The following FHOD3 variants were observed in gnomAD, a reference collection of about 807,000 sequenced individuals.
The protein encoded by FHOD3 is FH1/FH2 domain-containing protein 3.
Under a neutral mutation model 173.0 loss-of-function variants are expected in FHOD3, and 90 were observed. That is an observed-to-expected ratio of 0.52 (90% CI 0.44 to 0.62). FHOD3 has a LOEUF of 0.62. FHOD3 is among the 20% of genes least tolerant of loss of function. The probability of loss-of-function intolerance (pLI) is 0.00; values close to 1 mark genes in which losing one functional copy is unlikely to be tolerated. For synonymous variants in FHOD3, 828 were observed against 823.0 expected, an observed-to-expected ratio of 1.01 and a Z score of -0.10; for missense variants, 1,945 against 2,034.7, an observed-to-expected ratio of 0.96 and a Z score of 0.85.
intron 3 of FHOD3, among the ~76,000 whole-genome samples, chr18:36,411,459 A>C (rs2049346482): frequency 1.3e-5 from 2 of 152,250 alleles, no homozygotes; most frequent in Admixed American, 6.5e-5. Context: ...ACTAACATTC[A>C]TAAAAGGATA....
intron 17 of FHOD3, among the ~76,000 whole-genome samples, chr18:36,696,238 C>T (rs1482327962): frequency 6.6e-6 from 1 of 152,202 alleles, no homozygotes; most frequent in African/African-American, 2.4e-5. Flanking sequence ...GTCATGGAGT[C>T]ATGGCTCTAC....
At chr18:36,322,281 G>A (rs535058082) in intron 1 of FHOD3, among the ~76,000 whole-genome samples, 17 of 152,296 alleles carry the variant, frequency 1.1e-4, no homozygotes, top group African/African-American at 4.1e-4. Context: ...CTGGAGGTGG[G>A]CCTTTTGGCC....
intron 7 of FHOD3, among the ~76,000 whole-genome samples, chr18:36,598,375 T>C (rs1229093627): frequency 6.6e-6 from 1 of 152,126 alleles, no homozygotes; most frequent in East Asian, 1.9e-4. Flanking sequence ...ATTCCTTTGG[T>C]TGCATTATAA....
chr18:36,412,068 TA>T, intron 3 of FHOD3, among the ~76,000 whole-genome samples: 1 of 152,306 alleles, frequency 6.6e-6, no homozygotes, highest in Middle Eastern at 3.4e-3. Context: ...CTTGCCTAAT[TA>T]TAACCAGAAC....
At chr18:36,499,753 G>A (rs113307224) in intron 3 of FHOD3, among the ~76,000 whole-genome samples, 3 of 152,174 alleles carry the variant, frequency 2.0e-5, no homozygotes, top group South Asian at 2.1e-4. Context: ...TTGTTTCTTC[G>A]GGTCAGAGAT....
intron 1 of FHOD3, among the ~76,000 whole-genome samples, chr18:36,335,813 G>A (rs2045279775): frequency 1.3e-5 from 2 of 152,134 alleles, no homozygotes; most frequent in African/African-American, 4.8e-5. Flanking sequence ...ACGTGCCTCT[G>A]TTGCTAGACA....
intron 6 of FHOD3, among the ~76,000 whole-genome samples, chr18:36,591,400 C>T (rs977824855): frequency 3.3e-5 from 5 of 151,982 alleles, no homozygotes; most frequent in South Asian, 2.1e-4. Flanking sequence ...GGGGCTACTA[C>T]GAGGTGAGAA....
In FHOD3 at chr18:36,567,461, G is replaced by A. The variant is rs77325347; in HGVS notation, c.512-8990G>A. Among the ~76,000 whole-genome samples the A allele has an allele frequency of 5.5e-3, 831 of 152,252 alleles. 24 individuals carry two copies. In the East Asian group the frequency reaches 0.069, roughly 13 times the overall value. On this transcript the variant is annotated intron_variant, in intron 5 of 28. Coordinates refer to ENST00000590592, the MANE Select transcript of FHOD3 (RefSeq NM_001281740.3). ...TAAAAACAGAGCAAGGAGGAGTTTT[G>A]GTTTGGAGTAAGATGGAGTAAGTAC... is the stretch of plus-strand genomic sequence containing the variant.
intron 3 of FHOD3, among the ~76,000 whole-genome samples, chr18:36,440,713 C>T (rs888521972): frequency 6.6e-6 from 1 of 152,224 alleles, no homozygotes; most frequent in South Asian, 2.1e-4. Context: ...AAACCCAATA[C>T]ATAATAAACT....
intron 3 of FHOD3, among the ~76,000 whole-genome samples, chr18:36,445,993 C>G (rs2051448696): frequency 6.6e-6 from 1 of 152,212 alleles, no homozygotes; most frequent in South Asian, 2.1e-4. Context: ...TAGGGCTTCC[C>G]TCCAGGTCTC....
intron 3 of FHOD3, among the ~76,000 whole-genome samples, chr18:36,457,062 G>T (rs2052262139): frequency 6.6e-6 from 1 of 152,052 alleles, no homozygotes; most frequent in Non-Finnish European, 1.5e-5. Flanking sequence ...GGTTCCAGCA[G>T]GTGGGAAGGT....
At chr18:36,363,776 GTGAA>G (rs1012726824) in intron 2 of FHOD3, among the ~76,000 whole-genome samples, 82 of 151,598 alleles carry the variant, frequency 5.4e-4, no homozygotes, top group African/African-American at 1.8e-3. Flanking sequence ...GTTCAACACA[GTGAA>G]TTATAAAGTA....
At chr18:36,752,286 C>T (rs2042435134) in intron 24 of FHOD3, among the ~76,000 whole-genome samples, 2 of 152,084 alleles carry the variant, frequency 1.3e-5, no homozygotes, top group East Asian at 1.9e-4. Flanking sequence ...TCCTGGGAGG[C>T]CTAGCAAACT....
At chr18:36,323,766 C>G (rs551410653) in intron 1 of FHOD3, among the ~76,000 whole-genome samples, 18 of 152,352 alleles carry the variant, frequency 1.2e-4, no homozygotes, top group African/African-American at 4.1e-4. Context: ...CAAGACCATC[C>G]TCGACTACTT....
chr18:36,539,388 T>C (rs375658611), intron 5 of FHOD3, among the ~76,000 whole-genome samples: 1 of 152,358 alleles, frequency 6.6e-6, no homozygotes, highest in African/African-American at 2.4e-5. Flanking sequence ...CATGGAGTTA[T>C]TCTGGGTGAA....
Position 36,742,800 on chromosome 18 carries a change from T to C in FHOD3, c.3823T>C (p.Leu1275=). 1 of 1,613,940 alleles carries C rather than the reference T, an allele frequency of 6.2e-7. No individual in the cohort carries two copies. Among genetic ancestry groups the C allele is most frequent in the African/African-American group, 1.3e-5 (1 of 75,034 alleles). Residue 1275 remains leucine, a synonymous_variant, in exon 22 of 29, where the codon TTG becomes CTG. Transcript: ENST00000590592. ...AGACCAGTTGGAGAACAATAAAACC[T>C]TGGGCTTTATCCTGTCTACTCTCTT... ...GIDQLENNKT[L]GFILSTLLAI... is the part of the protein sequence containing the mutation.
chr18:36,747,034 T>C lies in FHOD3; in HGVS notation c.4131T>C (p.His1377=), dbSNP rs779787001. The change falls in exon 24 of 29, where the codon CAT becomes CAC. Residue 1377 remains histidine, a synonymous_variant. Transcript: ENST00000590592. The stretch of plus-strand genomic sequence containing the variant: ...ATCACCTCAAGGCAATTGCAAAACA[T>C]GAAATGAAACCAGTTTTAAAACAAC... ...SWDHLKAIAK[H]EMKPVLKQRM... 1 of 1,614,096 alleles carries C rather than the reference T, an allele frequency of 6.2e-7. No homozygotes were observed. Among genetic ancestry groups the C allele is most frequent in the African/African-American group, 1.3e-5 (1 of 75,038 alleles).
intron 8 of FHOD3, among the ~76,000 whole-genome samples, chr18:36,604,706 T>C (rs1187757548): frequency 6.6e-6 from 1 of 152,190 alleles, no homozygotes; most frequent in African/African-American, 2.4e-5. Flanking sequence ...GTTGGTAACG[T>C]TTATTTTAAA....
intron 1 of FHOD3, among the ~76,000 whole-genome samples, chr18:36,313,387 A>G (rs1262894849): frequency 1.3e-5 from 2 of 152,230 alleles, no homozygotes; most frequent in African/African-American, 2.4e-5. Context: ...CACCACTAAC[A>G]GGACACAGAA....
Sources: allele counts gnomAD v4.1 joint callset (sites outside exome capture counted in the v4.1 genomes callset), GRCh38; gene constraint gnomAD v4.1.1; transcripts MANE v1.5; gene names NCBI Gene and HGNC (gene_info 2026-07-23, HGNC 2026-07-21).